Variants in TMEM222 observed in about 807,000 individuals in gnomAD.
TMEM222 encodes chromosome 1 open reading frame 160.
Under a neutral mutation model 25.1 loss-of-function variants are expected in TMEM222, and 18 were observed. The observed-to-expected ratio is 0.72, with a 90% CI of 0.50 to 1.06. The LOEUF is 1.06. Ranked by LOEUF, TMEM222 falls within the 50% of genes least tolerant of loss-of-function variation. The probability of loss-of-function intolerance (pLI) is 0.00; values close to 1 mark genes in which losing one functional copy is unlikely to be tolerated. For synonymous variants in TMEM222, 131 were observed against 117.9 expected (o/e 1.11, Z -0.72); for missense variants, 296 against 293.7 (o/e 1.01, Z -0.06).
At chr1:27,332,441 C>T in intron 3 of TMEM222, 1 of 718,132 alleles carries the variant, frequency 1.4e-6, no homozygotes, top group Non-Finnish European at 2.6e-6. Context: ...ATCTGTCTCC[C>T]TCTAGACTCA....
intron 1 of TMEM222, among the ~76,000 whole-genome samples, chr1:27,328,841 C>G (rs1571009017): frequency 6.6e-6 from 1 of 152,196 alleles, no homozygotes; most frequent in Admixed American, 6.5e-5. Flanking sequence ...TCTCTGGAGG[C>G]TTGGCCTGCA....
Position 27,325,397 on chromosome 1 carries a change from G to A in TMEM222, c.194+3006G>A, listed in dbSNP as rs367628098. 110 of 1,036,278 alleles carry A rather than the reference G, an allele frequency of 1.1e-4. 1 individual carries two copies. The East Asian group carries it at 2.4e-3, about 22-fold the overall frequency. 64.2% of individuals were successfully genotyped at this position (1,036,278 alleles called of 1,614,324 possible). A position where few individuals can be genotyped will look rare whatever the true frequency, so the allele number is the denominator to read the frequency against. On this transcript the variant is annotated intron_variant, in intron 1 of 5. Transcript: ENST00000374076. ...CCCTGGAGAAGAGCTACAAGCTGCC[G>A]GATGGCCAGGTCATCACCATCAGCA...
chr1:27,331,526 G>A (rs2014478236), intron 2 of TMEM222, among the ~76,000 whole-genome samples: 1 of 152,238 alleles, frequency 6.6e-6, no homozygotes, highest in South Asian at 2.1e-4. Context: ...CTGTCTCTGT[G>A]TAAGTCCTGT....
chr1:27,332,790 C>T, intron 3 of TMEM222: 1 of 491,068 alleles, frequency 2.0e-6, no homozygotes, highest in Non-Finnish European at 3.7e-6. Flanking sequence ...CTTCCTCCGG[C>T]AGGCAGCAGT....
At chr1:27,324,051 C>T (rs904224396) in intron 1 of TMEM222, among the ~76,000 whole-genome samples, 11 of 152,100 alleles carry the variant, frequency 7.2e-5, no homozygotes, top group Non-Finnish European at 1.5e-4. Flanking sequence ...AGGGGCCGGG[C>T]GTGGTGGCTC....
intron 1 of TMEM222, 85 bp downstream of exon 1, chr1:27,322,476 C>A: frequency 8.0e-7 from 1 of 1,255,500 alleles, no homozygotes; most frequent in Non-Finnish European, 1.0e-6. Flanking sequence ...GGCCCCAACG[C>A]GCAGCAAGCC....
At position 27,335,366 on chromosome 1, in the gene TMEM222, TTC is replaced by T. The variant is rs765812527; in HGVS notation, c.540-7_540-6del. ...GCCCTGCCCACCTATGCTCGCTCCTTTCTCTCTGTCAGCGTTGGGGCCTTCGT... is the reference window on the plus strand; with the variant it reads ...GCCCTGCCCACCTATGCTCGCTCCTTTCTCTGTCAGCGTTGGGGCCTTCGT... On this transcript the variant is annotated splice_polypyrimidine_tract_variant and intron_variant, in intron 5 of 5. Coordinates refer to ENST00000374076, the MANE Select transcript of TMEM222 (RefSeq NM_032125.3). The T allele has an allele frequency of 3.7e-5, 60 of 1,613,898 alleles. No homozygotes were observed. The highest frequency in any genetic ancestry group is 4.9e-5 in the Non-Finnish European group (58 of 1,179,870).
At chr1:27,330,171 C>T (rs1243325495) in intron 1 of TMEM222, among the ~76,000 whole-genome samples, 4 of 151,720 alleles carry the variant, frequency 2.6e-5, no homozygotes, top group South Asian at 2.1e-4. Context: ...GGCCAAGGCA[C>T]GTGGATCACG....
At chr1:27,332,421 C>T (rs2014503540) in intron 3 of TMEM222, 1 of 718,030 alleles carries the variant, frequency 1.4e-6, no homozygotes, top group Non-Finnish European at 2.6e-6. Flanking sequence ...GAGCTGGGAC[C>T]CACACCCAGA....
intron 1 of TMEM222, among the ~76,000 whole-genome samples, chr1:27,327,635 G>A (rs917342194): frequency 4.0e-5 from 6 of 151,852 alleles, no homozygotes; most frequent in African/African-American, 1.2e-4. Context: ...GTCATCCACC[G>A]GCCTCTGCCT....
In TMEM222 at chr1:27,335,575, G is replaced by C. The variant is rs1255620349; in HGVS notation, c.*109G>C. On this transcript the variant is annotated 3_prime_UTR_variant, in exon 6 of 6. Transcript: ENST00000374076. Reference sequence around the variant, plus strand: ...CCCAAAAGGCAGGGTTGGGCCTGCTGTTGTGGACCGGGGGTCGGGGCTGGC... The same window carrying C: ...CCCAAAAGGCAGGGTTGGGCCTGCTCTTGTGGACCGGGGGTCGGGGCTGGC... 25 of 1,097,504 alleles carry C rather than the reference G, an allele frequency of 2.3e-5. No individual in the cohort carries two copies. The highest frequency in any genetic ancestry group is 2.4e-5 in the Non-Finnish European group (18 of 743,452). 68.0% of individuals were successfully genotyped at this position (1,097,504 alleles called of 1,614,324 possible).
intron 1 of TMEM222, among the ~76,000 whole-genome samples, chr1:27,329,874 GGCA>G (rs1488295598): frequency 6.7e-6 from 1 of 148,958 alleles, no homozygotes; most frequent in Non-Finnish European, 1.5e-5. Flanking sequence ...GGCCGAGGCA[GGCA>G]GATGACTTGA....
Position 27,322,375 on chromosome 1 carries a change from C to G in TMEM222, c.178C>G (p.Pro60Ala), listed in dbSNP as rs1571001926. 6.8e-7 allele frequency: 1 copy of G among 1,461,364 alleles called. No individual in the cohort carries two copies. The allele number at this position is 1,461,364 out of a possible 1,614,324, so 90.5% of individuals were successfully genotyped here. ...CTTCCCCTACTGCGTGGTGTGGACG[C>G]CCATCCCGGTGCTCACGTGAGTCTC... Reference protein sequence around the residue: ...SRFPYCVVWTPIPVLTWFFPI... With the variant: ...SRFPYCVVWTAIPVLTWFFPI... Residue 60 changes from proline to alanine, a missense_variant, in exon 1 of 6, where the codon CCC becomes GCC. Pro to Ala is a conservative substitution (Grantham distance 27, BLOSUM62 -1). Transcript: ENST00000374076.
In TMEM222 at chr1:27,322,169, G is replaced by A. The variant is rs201021498; in HGVS notation, c.-29G>A. 5 of 1,364,138 alleles carry A rather than the reference G, an allele frequency of 3.7e-6. No individual in the cohort carries two copies. In the African/African-American group the frequency reaches 4.5e-5, roughly 12 times the overall value. 84.5% of individuals were successfully genotyped at this position (1,364,138 alleles called of 1,614,324 possible). A position where few individuals can be genotyped will look rare whatever the true frequency, so the allele number is the denominator to read the frequency against. ...CATGGGGACGAGCGGCACCAGAGCC[G>A]GGGCCAGTCGGAGCGGGGCGCGCGC... On this transcript the variant is annotated 5_prime_UTR_variant, in exon 1 of 6. Coordinates refer to ENST00000374076, the MANE Select transcript of TMEM222 (RefSeq NM_032125.3).
At position 27,335,603 on chromosome 1, in the gene TMEM222, G is replaced by T. The variant is rs892384779; in HGVS notation, c.*137G>T. 64 of 802,030 alleles carry T rather than the reference G, an allele frequency of 8.0e-5. No homozygotes were observed. The highest frequency in any genetic ancestry group is 1.3e-4 in the Non-Finnish European group (64 of 495,038). The allele number at this position is 802,030 out of a possible 1,614,324, so 49.7% of individuals were successfully genotyped here. Reference sequence around the variant, plus strand: ...GTGGACCGGGGGTCGGGGCTGGCAGGATGGAAGGACTGAGGACCAGCATGA... The same window carrying T: ...GTGGACCGGGGGTCGGGGCTGGCAGTATGGAAGGACTGAGGACCAGCATGA... On this transcript the variant is annotated 3_prime_UTR_variant, in exon 6 of 6. Coordinates refer to ENST00000374076, the MANE Select transcript of TMEM222 (RefSeq NM_032125.3).
At chr1:27,333,900 G>T in intron 3 of TMEM222, 58 bp from the exon 4 acceptor site, 1 of 1,518,616 alleles carries the variant, frequency 6.6e-7, no homozygotes. Flanking sequence ...GAGGACGTGC[G>T]TAGAGCTGAG....
chr1:27,325,865 A>G (rs896801788), intron 1 of TMEM222: 3 of 767,990 alleles, frequency 3.9e-6, no homozygotes, highest in East Asian at 2.5e-5. Context: ...GGCCCTGGCA[A>G]ATGCATATAC....
At chr1:27,325,436 G>A (rs1260357374) in intron 1 of TMEM222, 3 of 1,219,630 alleles carry the variant, frequency 2.5e-6, no homozygotes, top group African/African-American at 3.0e-5. Flanking sequence ...AGCGGTTCCA[G>A]TGTCCGGAGG....
intron 3 of TMEM222, 47 bp downstream of exon 3, chr1:27,332,148 C>T: frequency 6.2e-7 from 1 of 1,613,370 alleles, no homozygotes. Context: ...CAGGTCGCTC[C>T]TGCCGGGGCG....
Sources: allele counts gnomAD v4.1 joint callset (sites outside exome capture counted in the v4.1 genomes callset), GRCh38; gene constraint gnomAD v4.1.1; transcripts MANE v1.5; gene names NCBI Gene and HGNC (gene_info 2026-07-23, HGNC 2026-07-21).